CNOT2: variants seen among roughly 807,000 people sequenced by gnomAD.
CNOT2 encodes the protein CCR4-NOT transcription complex subunit 2, also known as CC chemokine receptor 4-negative regulator of transcription 2.
In CNOT2, 7 loss-of-function variants were observed where a neutral mutation model predicts 72.1. That is an observed-to-expected ratio of 0.10 (90% CI 0.06 to 0.18). CNOT2 has a LOEUF of 0.18. Among genes scored for constraint, CNOT2 ranks in the 10% least tolerant of loss-of-function variants. CNOT2 has a pLI of 1.00. For missense variants in CNOT2, 345 were observed against 660.3 expected (o/e 0.52, Z 5.23); for synonymous variants, 196 against 225.6 (o/e 0.87, Z 1.17).
intron 1 of CNOT2, among the ~76,000 whole-genome samples, chr12:70,263,748 G>T (rs1209984141): frequency 6.6e-6 from 1 of 152,054 alleles, no homozygotes; most frequent in African/African-American, 2.4e-5. Context: ...CTATTTATTT[G>T]CATGTCATAA....
chr12:70,283,229 C>G (rs1219312314), intron 2 of CNOT2, among the ~76,000 whole-genome samples: 5 of 152,050 alleles, frequency 3.3e-5, no homozygotes, highest in African/African-American at 1.2e-4. Context: ...ACAGTACCAG[C>G]ACCAAAGCAT....
At chr12:70,285,877 T>G (rs1870805917) in intron 2 of CNOT2, among the ~76,000 whole-genome samples, 1 of 152,020 alleles carries the variant, frequency 6.6e-6, no homozygotes, top group African/African-American at 2.4e-5. Flanking sequence ...TGGGAGAGAT[T>G]TTGTCAACCT....
chr12:70,352,384 T>C (rs1210453170), intron 15 of CNOT2, among the ~76,000 whole-genome samples: 1 of 152,212 alleles, frequency 6.6e-6, no homozygotes, highest in Non-Finnish European at 1.5e-5. Context: ...TAGCACATAC[T>C]AGGCTTTCAA....
intron 3 of CNOT2, among the ~76,000 whole-genome samples, chr12:70,318,245 A>C (rs955147754): frequency 6.6e-6 from 1 of 151,876 alleles, no homozygotes; most frequent in African/African-American, 2.4e-5. Context: ...CTTGTATGAC[A>C]TTTATTTCGC....
chr12:70,323,399 GATTT>G lies in CNOT2; in HGVS notation c.238+4036_238+4039del, dbSNP rs1310461451. 3 of 151,846 alleles carry G rather than the reference GATTT, an allele frequency of 2.0e-5. No individual in the cohort carries two copies. In the East Asian group the frequency reaches 5.8e-4, roughly 29 times the overall value. The allele number at this position is 151,846 out of a possible 1,614,324, so 9.4% of individuals were successfully genotyped here. On this transcript the variant is annotated intron_variant, in intron 4 of 15. Transcript: ENST00000229195. ...AATCTAGTAGGATAAGTACACAAAT[GATTT>G]TACTATGTAGTAGAATAAGAAGTTC...
intron 2 of CNOT2, among the ~76,000 whole-genome samples, chr12:70,289,983 A>C (rs544809190): frequency 6.6e-6 from 1 of 152,252 alleles, no homozygotes; most frequent in Non-Finnish European, 1.5e-5. Flanking sequence ...TTGTGGTTGC[A>C]GTTAAGTTAC....
chr12:70,271,101 TTTCTGTTTG>T (rs2135777569), intron 1 of CNOT2, among the ~76,000 whole-genome samples: 1 of 152,332 alleles, frequency 6.6e-6, no homozygotes, highest in Non-Finnish European at 1.5e-5. Context: ...GGTCAGATTC[TTTCTGTTTG>T]TTCTGCCATT....
intron 1 of CNOT2, among the ~76,000 whole-genome samples, chr12:70,262,631 A>G (rs1297059946): frequency 2.6e-5 from 4 of 152,072 alleles, no homozygotes; most frequent in South Asian, 2.1e-4. Context: ...AATTCTGCCA[A>G]TCCATCTTAA....
At chr12:70,251,810 C>G (rs924681775) in intron 1 of CNOT2, among the ~76,000 whole-genome samples, 2 of 152,234 alleles carry the variant, frequency 1.3e-5, no homozygotes, top group African/African-American at 4.8e-5. Context: ...GCCAACTGTT[C>G]AAGATTTTTC....
Position 70,308,555 on chromosome 12 carries a change from T to TTCTC in CNOT2, c.49-2313_49-2310dup, listed in dbSNP as rs3049213. Among the ~76,000 whole-genome samples the TTCTC allele has an allele frequency of 2.6e-3, 343 of 134,308 alleles. 2 individuals carry two copies. The highest frequency in any genetic ancestry group is 7.0e-3 in the African/African-American group (253 of 36,230). 88.1% of individuals were successfully genotyped at this position (134,308 alleles called of 152,430 possible). ...AAATTAAGCTTAAGTTTGGTATATT[T>TTCTC]TCTCTCTCTCTCTCTCTCTCTCTCT... On this transcript the variant is annotated intron_variant, in intron 2 of 15. Transcript: ENST00000229195.
chr12:70,351,646 T>C (rs1379589506), intron 15 of CNOT2, among the ~76,000 whole-genome samples: 2 of 152,170 alleles, frequency 1.3e-5, no homozygotes, highest in African/African-American at 2.4e-5. Context: ...ATGTGAAAAA[T>C]TTTAGTTAAC....
At chr12:70,248,869 T>G (rs1371758463) in intron 1 of CNOT2, among the ~76,000 whole-genome samples, 1 of 152,102 alleles carries the variant, frequency 6.6e-6, no homozygotes, top group Non-Finnish European at 1.5e-5. Flanking sequence ...AATGGAAATG[T>G]CTTTCCTTAT....
chr12:70,316,664 A>T (rs1877391607), intron 3 of CNOT2, among the ~76,000 whole-genome samples: 1 of 152,156 alleles, frequency 6.6e-6, no homozygotes, highest in African/African-American at 2.4e-5. Flanking sequence ...TTTACTAACC[A>T]CCTTCATGTA....
At chr12:70,327,167 G>T (rs1004677152) in intron 4 of CNOT2, among the ~76,000 whole-genome samples, 3 of 151,820 alleles carry the variant, frequency 2.0e-5, no homozygotes, top group African/African-American at 7.3e-5. Context: ...CTAATTTTTG[G>T]AAAGTGTATG....
At chr12:70,277,842 G>C (rs1163672826) in intron 1 of CNOT2, among the ~76,000 whole-genome samples, 1 of 151,954 alleles carries the variant, frequency 6.6e-6, no homozygotes, top group African/African-American at 2.4e-5. Context: ...AAACTTTTTT[G>C]TCCACTTCAT....
At chr12:70,300,613 G>T (rs970699507) in intron 2 of CNOT2, among the ~76,000 whole-genome samples, 9 of 152,246 alleles carry the variant, frequency 5.9e-5, no homozygotes, top group Admixed American at 2.0e-4. Flanking sequence ...TGCTGTTTTG[G>T]TTACTGTAGC....
chr12:70,342,150 T>C lies in CNOT2; in HGVS notation c.1222T>C (p.Cys408Arg), dbSNP rs1319625775. 1 of 1,611,308 alleles carries C rather than the reference T, an allele frequency of 6.2e-7. No individual in the cohort carries two copies. The highest frequency in any genetic ancestry group is 8.5e-7 in the Non-Finnish European group (1 of 1,177,602). The change falls in exon 12 of 16, where the codon TGT becomes CGT. Residue 408 changes from cysteine to arginine, a missense_variant. Physicochemically the swap from Cys to Arg is radical, Grantham distance 180 (BLOSUM62 -3). Coordinates refer to ENST00000229195, the MANE Select transcript of CNOT2 (RefSeq NM_014515.7). ...KFASPWASSPCRPQDIDFHVP... is the reference protein window; with the variant it reads ...KFASPWASSPRRPQDIDFHVP... ...TGCGTCACCCTGGGCATCTTCACCTTGTCGACCTCAAGACATAGGTAGGAG... is the reference window on the plus strand; with the variant it reads ...TGCGTCACCCTGGGCATCTTCACCTCGTCGACCTCAAGACATAGGTAGGAG...
At chr12:70,335,407 T>A (rs755892278) in intron 7 of CNOT2, 31 bp from the exon 8 acceptor site, 2 of 1,503,564 alleles carry the variant, frequency 1.3e-6, no homozygotes, top group Admixed American at 1.7e-5. Context: ...ATTTGTAGAA[T>A]CAATAACCAG....
intron 2 of CNOT2, among the ~76,000 whole-genome samples, chr12:70,289,488 A>C (rs1871487399): frequency 1.3e-5 from 2 of 152,076 alleles, no homozygotes; most frequent in Non-Finnish European, 2.9e-5. Flanking sequence ...GTATGTTTAT[A>C]CAAATTTAGG....
Sources: allele counts gnomAD v4.1 joint callset (sites outside exome capture counted in the v4.1 genomes callset), GRCh38; gene constraint gnomAD v4.1.1; transcripts MANE v1.5; gene names NCBI Gene and HGNC (gene_info 2026-07-23, HGNC 2026-07-21).